The following CNTN5 variants were observed in gnomAD, a reference collection of about 807,000 sequenced individuals.
CNTN5 encodes contactin 5, also known as contactin-5.
CNTN5 carries 77 observed loss-of-function variants against 129.1 expected under a neutral mutation model. The ratio of observed to expected loss-of-function variants is 0.60; its 90% CI spans 0.50 to 0.72. The LOEUF is 0.72. Among genes scored for constraint, CNTN5 ranks in the 30% least tolerant of loss-of-function variants. CNTN5 has a pLI of 0.00. For synonymous variants in CNTN5, 509 were observed against 465.6 expected (o/e 1.09, Z -1.20); for missense variants, 1,478 against 1,328.8 (o/e 1.11, Z -1.75).
intron 2 of CNTN5, among the ~76,000 whole-genome samples, chr11:99,458,108 A>G (rs1230471164): frequency 6.6e-6 from 1 of 151,924 alleles, no homozygotes; most frequent in Non-Finnish European, 1.5e-5. Context: ...TATTATTTGT[A>G]TTGCATCTGT....
intron 9 of CNTN5, among the ~76,000 whole-genome samples, chr11:100,038,187 CAAAG>C (rs1942144415): frequency 6.6e-6 from 1 of 152,080 alleles, no homozygotes; most frequent in South Asian, 2.1e-4. Context: ...TCGTTGGTTT[CAAAG>C]AACATCTTTA....
At chr11:100,231,918 G>T (rs1049919110) in intron 16 of CNTN5, among the ~76,000 whole-genome samples, 1 of 152,118 alleles carries the variant, frequency 6.6e-6, no homozygotes, top group Admixed American at 6.5e-5. Context: ...ATTTTGGAAG[G>T]CAAGGTGGGC....
At chr11:99,182,862 T>G (rs1259843856) in intron 1 of CNTN5, among the ~76,000 whole-genome samples, 5 of 152,158 alleles carry the variant, frequency 3.3e-5, no homozygotes, top group African/African-American at 4.8e-5. Context: ...TAATGAAATA[T>G]TAACATAATT....
chr11:99,317,409 G>T (rs1182336623), intron 1 of CNTN5, among the ~76,000 whole-genome samples: 2 of 152,178 alleles, frequency 1.3e-5, no homozygotes, highest in African/African-American at 4.8e-5. Context: ...TCTAGTGCTT[G>T]CTGCTAATGG....
intron 2 of CNTN5, among the ~76,000 whole-genome samples, chr11:99,537,968 T>C (rs559191404): frequency 6.6e-6 from 1 of 152,288 alleles, no homozygotes; most frequent in East Asian, 1.9e-4. Flanking sequence ...AAATGTGAAG[T>C]GTGGAACTGC....
rs188822080 is a variant in CNTN5, at chr11:99,588,325, C to G, written c.55+32056C>G. Among the ~76,000 whole-genome samples the G allele has an allele frequency of 7.5e-3, 883 of 118,220 alleles. 9 individuals carry two copies. Among genetic ancestry groups the G allele is most frequent in the African/African-American group, 0.027 (819 of 30,270 alleles). The allele number at this position is 118,220 out of a possible 152,430, so 77.6% of individuals were successfully genotyped here. A position where few individuals can be genotyped will look rare whatever the true frequency, so the allele number is the denominator to read the frequency against. The stretch of plus-strand genomic sequence containing the variant: ...CGCCACTGCACTCCAGCCTGGGCGA[C>G]AGAGCAAGACTCCTTCTCAAAAAAA... On this transcript the variant is annotated intron_variant, in intron 3 of 24. Transcript: ENST00000524871.
chr11:100,254,860 T>G (rs1950035432), intron 16 of CNTN5, among the ~76,000 whole-genome samples: 2 of 152,234 alleles, frequency 1.3e-5, no homozygotes, highest in African/African-American at 4.8e-5. Flanking sequence ...TATTGTGACT[T>G]TAATTGTCCA....
At chr11:99,275,821 A>C (rs1266481052) in intron 1 of CNTN5, among the ~76,000 whole-genome samples, 1 of 151,722 alleles carries the variant, frequency 6.6e-6, no homozygotes, top group Non-Finnish European at 1.5e-5. Flanking sequence ...TTAGTCTCAG[A>C]CTGGCATGAT....
rs934307269 is a variant in CNTN5, at chr11:99,324,494, A to T, written c.-209-852A>T. On this transcript the variant is annotated intron_variant, in intron 1 of 24. Transcript: ENST00000524871. ...GTGTAAAATTGCTGAAAACAATAAG[A>T]AATATGTTATTAGATTCTTATTTGA... 2.0e-5 allele frequency among the ~76,000 whole-genome samples: 3 copies of T among 152,220 alleles called. No homozygotes were observed. In the East Asian group the frequency reaches 5.8e-4, roughly 29 times the overall value.
intron 13 of CNTN5, among the ~76,000 whole-genome samples, chr11:100,174,987 A>G (rs1947919834): frequency 1.3e-5 from 2 of 152,076 alleles, no homozygotes; most frequent in Non-Finnish European, 2.9e-5. Context: ...TTGAGTGTGT[A>G]TTGCCCTTAG....
chr11:99,496,369 T>G (rs1946226754), intron 2 of CNTN5, among the ~76,000 whole-genome samples: 1 of 152,128 alleles, frequency 6.6e-6, no homozygotes, highest in Non-Finnish European at 1.5e-5. Flanking sequence ...AATGATTTTT[T>G]TAAGTGGTCA....
chr11:99,703,022 G>A (rs188051362), intron 3 of CNTN5, among the ~76,000 whole-genome samples: 12 of 150,874 alleles, frequency 8.0e-5, no homozygotes, highest in Admixed American at 7.3e-4. Context: ...AAGATGTATA[G>A]GATGTTTTAA....
chr11:99,712,751 C>A lies in CNTN5; in HGVS notation c.56-106793C>A, dbSNP rs147102220. The stretch of plus-strand genomic sequence containing the variant: ...TAAATAGAGAATCCTTTCCCTATTG[C>A]TTGTTTTTGTCACGTTTTTTAAAGA... On this transcript the variant is annotated intron_variant, in intron 3 of 24. Coordinates refer to ENST00000524871, the MANE Select transcript of CNTN5 (RefSeq NM_014361.4). Among the ~76,000 whole-genome samples, 199 of 152,112 alleles carry A rather than the reference C, an allele frequency of 1.3e-3. 5 individuals carry two copies. In the East Asian group the frequency reaches 0.037, roughly 28 times the overall value.
At chr11:100,250,415 A>G (rs1365979174) in intron 16 of CNTN5, among the ~76,000 whole-genome samples, 2 of 151,130 alleles carry the variant, frequency 1.3e-5, no homozygotes, top group African/African-American at 4.9e-5. Context: ...CTTTCCTTCT[A>G]CAAATATTTA....
intron 1 of CNTN5, among the ~76,000 whole-genome samples, chr11:99,292,886 G>A (rs1864229116): frequency 6.6e-6 from 1 of 152,040 alleles, no homozygotes; most frequent in African/African-American, 2.4e-5. Context: ...TCTCTACATT[G>A]GGCCTTTATC....
Position 99,060,929 on chromosome 11 carries a change from A to G in CNTN5, c.-210+39659A>G, listed in dbSNP as rs1053250801. ...AGGCATCCTGACTCATGTCTTCCCA[A>G]TACCTCACACAGTATTCCTACTATT... On this transcript the variant is annotated intron_variant, in intron 1 of 24. Coordinates refer to ENST00000524871, the MANE Select transcript of CNTN5 (RefSeq NM_014361.4). Among the ~76,000 whole-genome samples, 45 of 151,970 alleles carry G rather than the reference A, an allele frequency of 3.0e-4. 1 individual carries two copies. Among genetic ancestry groups the G allele is most frequent in the Non-Finnish European group, 5.7e-4 (39 of 68,014 alleles).
chr11:99,024,673 G>A (rs1440447875), intron 1 of CNTN5, among the ~76,000 whole-genome samples: 5 of 151,922 alleles, frequency 3.3e-5, no homozygotes, highest in Non-Finnish European at 4.4e-5. Flanking sequence ...AAGCTCATAC[G>A]TGTTACAAAG....
At chr11:100,286,150 A>T (rs1182018879) in intron 18 of CNTN5, among the ~76,000 whole-genome samples, 1 of 152,110 alleles carries the variant, frequency 6.6e-6, no homozygotes, top group African/African-American at 2.4e-5. Context: ...GTCTGAGATC[A>T]AACTGCAAGG....
intron 20 of CNTN5, among the ~76,000 whole-genome samples, chr11:100,304,401 T>C (rs1214718425): frequency 6.6e-6 from 1 of 151,636 alleles, no homozygotes; most frequent in Non-Finnish European, 1.5e-5. Flanking sequence ...TACTGTGATT[T>C]AGAGATCAGA....
Sources: gnomAD v4.1 joint callset for allele counts (sites outside exome capture counted in the v4.1 genomes callset) on GRCh38, gnomAD v4.1.1 for gene constraint, MANE v1.5 for transcripts, NCBI Gene and HGNC (gene_info 2026-07-23, HGNC 2026-07-21) for gene names.